The following TSPAN18 variants were observed in gnomAD, a reference collection of about 807,000 sequenced individuals.
TSPAN18 encodes tetraspanin 18, also known as tetraspanin-18.
Under a neutral mutation model 27.3 loss-of-function variants are expected in TSPAN18, and 14 were observed. The observed-to-expected ratio is 0.51, with a 90% confidence interval of 0.34 to 0.80. TSPAN18 has a LOEUF of 0.80. Among genes scored for constraint, TSPAN18 ranks in the 30% least tolerant of loss-of-function variants. The pLI is 0.01. For missense variants in TSPAN18, 268 were observed against 323.9 expected, an observed-to-expected ratio of 0.83 and a Z score of 1.32; for synonymous variants, 143 against 136.5, an observed-to-expected ratio of 1.05 and a Z score of -0.33.
intron 1 of TSPAN18, among the ~76,000 whole-genome samples, chr11:44,737,418 C>A (rs1854823313): frequency 1.3e-5 from 2 of 152,172 alleles, no homozygotes; most frequent in Admixed American, 1.3e-4. Flanking sequence ...CAGAGGCACT[C>A]CCTGACGTCT....
At chr11:44,824,016 T>C (rs1856983403) in intron 2 of TSPAN18, among the ~76,000 whole-genome samples, 1 of 152,174 alleles carries the variant, frequency 6.6e-6, no homozygotes, top group Non-Finnish European at 1.5e-5. Context: ...TCGCTGGGAA[T>C]CGGCTAAAAA....
chr11:44,727,052 CA>C lies in TSPAN18; in HGVS notation c.-474del, dbSNP rs1854529416. The C allele has an allele frequency of 4.0e-5, 5 of 125,216 alleles. No individual in the cohort carries two copies. Among genetic ancestry groups the C allele is most frequent in the Admixed American group, 1.6e-4 (2 of 12,632 alleles). 7.8% of individuals were successfully genotyped at this position (125,216 alleles called of 1,614,324 possible). A position where few individuals can be genotyped will look rare whatever the true frequency, so the allele number is the denominator to read the frequency against. On this transcript the variant is annotated 5_prime_UTR_variant, in exon 1 of 10. Coordinates refer to ENST00000520358, the MANE Select transcript of TSPAN18 (RefSeq NM_130783.5). ...GAGCCGCGCGAGGCCGCCCGAGCCC[CA>C]GCCCCGGCCCCGGCCCCAGCCCCGG...
rs554896736 is a variant in TSPAN18, at chr11:44,819,784, C to A, written c.-152-40544C>A. ...GCCAGTGCTCTGTCAAATCCTATTA[C>A]AATAAATATTGTGACAGCAAAAATC... On this transcript the variant is annotated intron_variant, in intron 2 of 9. Transcript: ENST00000520358. Among the ~76,000 whole-genome samples, 7 of 150,562 alleles carry A rather than the reference C, an allele frequency of 4.6e-5. 1 individual carries two copies. The South Asian group carries it at 1.1e-3, about 23-fold the overall frequency.
chr11:44,922,837 G>T (rs968635554), intron 8 of TSPAN18, among the ~76,000 whole-genome samples: 1 of 152,178 alleles, frequency 6.6e-6, no homozygotes, highest in African/African-American at 2.4e-5. Flanking sequence ...GGCCAGGCAC[G>T]TTGGCTCACG....
chr11:44,789,564 T>C (rs1856141795), intron 2 of TSPAN18, among the ~76,000 whole-genome samples: 1 of 152,176 alleles, frequency 6.6e-6, no homozygotes, highest in African/African-American at 2.4e-5. Flanking sequence ...GTAACAAAGC[T>C]CTGTTCATCC....
At chr11:44,860,934 A>T (rs1247803681) in intron 3 of TSPAN18, among the ~76,000 whole-genome samples, 1 of 152,260 alleles carries the variant, frequency 6.6e-6, no homozygotes, top group Non-Finnish European at 1.5e-5. Flanking sequence ...ATTAAGCAAG[A>T]CAGGCCATTT....
chr11:44,763,746 C>T (rs1004362381), intron 1 of TSPAN18, among the ~76,000 whole-genome samples: 15 of 152,044 alleles, frequency 9.9e-5, no homozygotes, highest in East Asian at 1.9e-4. Flanking sequence ...ATATAGGCTC[C>T]GGGCTGACTT....
At chr11:44,790,325 G>A (rs994783678) in intron 2 of TSPAN18, among the ~76,000 whole-genome samples, 3 of 150,068 alleles carry the variant, frequency 2.0e-5, no homozygotes, top group African/African-American at 7.4e-5. Context: ...GTGCATGCTT[G>A]TGCACGCATG....
intron 5 of TSPAN18, among the ~76,000 whole-genome samples, chr11:44,913,282 C>G (rs1483043599): frequency 6.6e-6 from 1 of 152,220 alleles, no homozygotes; most frequent in African/African-American, 2.4e-5. Flanking sequence ...TCCCTCTGCT[C>G]TGAGACTGAA....
At chr11:44,768,750 A>T (rs1855624083) in intron 2 of TSPAN18, among the ~76,000 whole-genome samples, 2 of 152,144 alleles carry the variant, frequency 1.3e-5, no homozygotes, top group South Asian at 4.1e-4. Context: ...CAACTTGAGG[A>T]AGATCCCCTT....
intron 1 of TSPAN18, among the ~76,000 whole-genome samples, chr11:44,749,932 G>A (rs112369194): frequency 0.054 from 8,199 of 152,226 alleles, 301 homozygotes; most frequent in African/African-American, 0.096. Flanking sequence ...CACTGCACCC[G>A]GCTCCATGTG....
intron 9 of TSPAN18, among the ~76,000 whole-genome samples, chr11:44,928,101 T>C (rs1217571510): frequency 6.6e-6 from 1 of 152,104 alleles, no homozygotes; most frequent in Non-Finnish European, 1.5e-5. Flanking sequence ...TAGGGACTGT[T>C]CCCTCAGCTA....
chr11:44,896,679 C>T (rs536359078), intron 3 of TSPAN18, among the ~76,000 whole-genome samples: 1 of 152,286 alleles, frequency 6.6e-6, no homozygotes, highest in South Asian at 2.1e-4. Context: ...CCCTTCCCCA[C>T]AGTTCCTCTC....
intron 3 of TSPAN18, among the ~76,000 whole-genome samples, chr11:44,871,151 C>G (rs2135238160): frequency 1.3e-5 from 2 of 152,280 alleles, no homozygotes; most frequent in Middle Eastern, 6.8e-3. Flanking sequence ...CTCTTGCTGT[C>G]TGTCATTTGC....
intron 2 of TSPAN18, among the ~76,000 whole-genome samples, chr11:44,766,425 G>A (rs117976908): frequency 1.9e-3 from 291 of 152,294 alleles, no homozygotes; most frequent in Non-Finnish European, 3.0e-3. Flanking sequence ...CACAGGAAGC[G>A]GTTGCCTTAT....
chr11:44,861,668 G>A (rs1857890265), intron 3 of TSPAN18, among the ~76,000 whole-genome samples: 1 of 151,872 alleles, frequency 6.6e-6, no homozygotes, highest in African/African-American at 2.4e-5. Context: ...GGAGTCGGGG[G>A]CGATGAAGCA....
chr11:44,760,663 C>T (rs756611008), intron 1 of TSPAN18, among the ~76,000 whole-genome samples: 19 of 152,088 alleles, frequency 1.2e-4, no homozygotes, highest in Admixed American at 2.0e-4. Flanking sequence ...GAGCTCCACC[C>T]CTAGTTTGGA....
chr11:44,838,475 A>T (rs1244494027), intron 2 of TSPAN18, among the ~76,000 whole-genome samples: 1 of 152,222 alleles, frequency 6.6e-6, no homozygotes, highest in Non-Finnish European at 1.5e-5. Context: ...CAGCCAAACC[A>T]TATCACATGG....
At chr11:44,799,416 G>A (rs140466641) in intron 2 of TSPAN18, among the ~76,000 whole-genome samples, 1,523 of 152,250 alleles carry the variant, frequency 0.01, 13 homozygotes, top group Non-Finnish European at 0.015. Context: ...AGTTTTATTA[G>A]ATTAGCAAGT....
Sources: gnomAD v4.1 joint callset for allele counts (sites outside exome capture counted in the v4.1 genomes callset) on GRCh38, gnomAD v4.1.1 for gene constraint, MANE v1.5 for transcripts, NCBI Gene and HGNC (gene_info 2026-07-23, HGNC 2026-07-21) for gene names.